MEGF9: variants seen among roughly 807,000 people sequenced by gnomAD.
The protein encoded by MEGF9 is multiple epidermal growth factor-like domains protein 9.
MEGF9 carries 6 observed loss-of-function variants against 46.8 expected under a neutral mutation model. The ratio of observed to expected loss-of-function variants is 0.13; its 90% CI spans 0.07 to 0.25. The LOEUF (loss-of-function observed/expected upper bound fraction) is 0.25, where lower values mean the gene tolerates loss of function less well. MEGF9 is among the 10% of genes least tolerant of loss of function. The pLI is 1.00. For synonymous variants in MEGF9, 302 were observed against 330.7 expected (o/e 0.91, Z 0.94); for missense variants, 683 against 792.4 (o/e 0.86, Z 1.66).
intron 2 of MEGF9, among the ~76,000 whole-genome samples, chr9:120,656,489 G>A (rs1381337674): frequency 6.9e-6 from 1 of 144,508 alleles, no homozygotes; most frequent in Non-Finnish European, 1.5e-5. Context: ...AGAGCTTGCA[G>A]TGAGCCAAGA....
At chr9:120,643,226 GA>G (rs560897677) in intron 2 of MEGF9, among the ~76,000 whole-genome samples, 4,627 of 144,070 alleles carry the variant, frequency 0.032, 198 homozygotes, top group African/African-American at 0.1. Flanking sequence ...TTCTTGCTAT[GA>G]AAAAAAAAAA....
intron 1 of MEGF9, among the ~76,000 whole-genome samples, chr9:120,695,098 C>A (rs1167654728): frequency 2.7e-5 from 4 of 150,884 alleles, no homozygotes; most frequent in Admixed American, 6.6e-5. Context: ...TCTTATGGAC[C>A]TTACATTCTA....
intron 1 of MEGF9, among the ~76,000 whole-genome samples, chr9:120,670,269 G>A (rs1345601581): frequency 2.0e-5 from 3 of 152,068 alleles, no homozygotes; most frequent in Non-Finnish European, 1.5e-5. Flanking sequence ...GCTAATTTTT[G>A]TATTTTTAGT....
chr9:120,608,572 T>C (rs1004269614), intron 4 of MEGF9, among the ~76,000 whole-genome samples: 1 of 152,192 alleles, frequency 6.6e-6, no homozygotes, highest in African/African-American at 2.4e-5. Context: ...TCCACTGACA[T>C]CATCAACAAT....
chr9:120,609,800 GTTA>G (rs1178132639), intron 4 of MEGF9, among the ~76,000 whole-genome samples: 3 of 152,132 alleles, frequency 2.0e-5, no homozygotes, highest in Non-Finnish European at 4.4e-5. Context: ...ACAGACTAAT[GTTA>G]TTATAGCAGG....
intron 3 of MEGF9, among the ~76,000 whole-genome samples, chr9:120,615,536 T>TA (rs564329020): frequency 3.7e-3 from 540 of 147,466 alleles, no homozygotes; most frequent in Middle Eastern, 0.014. Context: ...AATCAATGAG[T>TA]AAAAAAAAAA....
At position 120,606,103 on chromosome 9, in the gene MEGF9, A is replaced by G. The variant is rs191500527; in HGVS notation, c.1358-462T>C. Among the ~76,000 whole-genome samples, 11 of 151,428 alleles carry G rather than the reference A, an allele frequency of 7.3e-5. No homozygotes were observed. In the East Asian group the frequency reaches 2.1e-3, roughly 29 times the overall value. On this transcript the variant is annotated intron_variant, in intron 5 of 5. Transcript: ENST00000373930. The stretch of plus-strand genomic sequence containing the variant: ...AGAGAACTGTTTGAAGCTGGGAGGC[A>G]GAGGTTGCAGTGAGCTGAGATCATG...
At chr9:120,666,109 A>C (rs559058971) in intron 1 of MEGF9, among the ~76,000 whole-genome samples, 91 of 152,110 alleles carry the variant, frequency 6.0e-4, no homozygotes, top group African/African-American at 2.1e-3. Flanking sequence ...TTTTTTTTAA[A>C]ATTTCTGTGA....
At chr9:120,634,858 A>G (rs1486528766) in intron 2 of MEGF9, among the ~76,000 whole-genome samples, 1 of 151,850 alleles carries the variant, frequency 6.6e-6, no homozygotes. Flanking sequence ...TTTTGAAGTG[A>G]TAAGGTTTGA....
At chr9:120,677,931 A>C (rs1221888043) in intron 1 of MEGF9, among the ~76,000 whole-genome samples, 1 of 152,146 alleles carries the variant, frequency 6.6e-6, no homozygotes, top group African/African-American at 2.4e-5. Context: ...GCAACCCCCG[A>C]CTACTCTTCC....
chr9:120,641,840 C>T (rs1424864409), intron 2 of MEGF9, among the ~76,000 whole-genome samples: 2 of 152,168 alleles, frequency 1.3e-5, no homozygotes, highest in East Asian at 3.8e-4. Flanking sequence ...TCAATTCTAA[C>T]CTAAGAAGAG....
At chr9:120,653,382 T>A (rs1015894691) in intron 2 of MEGF9, among the ~76,000 whole-genome samples, 3 of 151,112 alleles carry the variant, frequency 2.0e-5, no homozygotes, top group African/African-American at 7.3e-5. Context: ...TTATTTATTT[T>A]TTTTTTTGAG....
intron 1 of MEGF9, among the ~76,000 whole-genome samples, chr9:120,691,794 T>C (rs1349688140): frequency 6.6e-6 from 1 of 152,170 alleles, no homozygotes; most frequent in East Asian, 1.9e-4. Flanking sequence ...CAACAATGAC[T>C]GGATACTTCA....
At chr9:120,625,892 T>C (rs2043523421) in intron 2 of MEGF9, among the ~76,000 whole-genome samples, 1 of 151,054 alleles carries the variant, frequency 6.6e-6, no homozygotes, top group South Asian at 2.1e-4. Context: ...TATAAAGCTT[T>C]GCCTGTGTGA....
chr9:120,647,515 C>T (rs1232146257), intron 2 of MEGF9, among the ~76,000 whole-genome samples: 4 of 152,072 alleles, frequency 2.6e-5, no homozygotes. Context: ...ATCAAGATGG[C>T]TACCTTTAAA....
At position 120,606,957 on chromosome 9, in the gene MEGF9, C is replaced by T. The variant is rs990040359; in HGVS notation, c.1357+784G>A. On this transcript the variant is annotated intron_variant, in intron 5 of 5. Transcript: ENST00000373930. ...TGTGCCTCCCAAATAGGTAAGAGAACTGAGTAGCAGGATCTCTAGCTAGTA... is the reference window on the plus strand; with the variant it reads ...TGTGCCTCCCAAATAGGTAAGAGAATTGAGTAGCAGGATCTCTAGCTAGTA... Among the ~76,000 whole-genome samples the T allele has an allele frequency of 2.0e-5, 3 of 152,100 alleles. No homozygotes were observed. The South Asian group carries it at 6.2e-4, about 32-fold the overall frequency.
chr9:120,668,420 A>C (rs192340890), intron 1 of MEGF9, among the ~76,000 whole-genome samples: 1 of 152,236 alleles, frequency 6.6e-6, no homozygotes, highest in Non-Finnish European at 1.5e-5. Flanking sequence ...TGAAAATAAA[A>C]ATGTATCAAT....
chr9:120,638,348 TG>T (rs2043588069), intron 2 of MEGF9, among the ~76,000 whole-genome samples: 1 of 152,228 alleles, frequency 6.6e-6, no homozygotes, highest in Admixed American at 6.5e-5. Flanking sequence ...AAAATTAACT[TG>T]TAGTGCCTAT....
intron 3 of MEGF9, among the ~76,000 whole-genome samples, chr9:120,619,969 T>G (rs1027417982): frequency 1.3e-5 from 2 of 152,172 alleles, no homozygotes; most frequent in Non-Finnish European, 2.9e-5. Context: ...GAAAATAAAG[T>G]CACTTGACGA....
Sources: allele counts gnomAD v4.1 joint callset (sites outside exome capture counted in the v4.1 genomes callset), GRCh38; gene constraint gnomAD v4.1.1; transcripts MANE v1.5; gene names NCBI Gene and HGNC (gene_info 2026-07-23, HGNC 2026-07-21).